PTPRN2: variants seen among roughly 807,000 people sequenced by gnomAD.
PTPRN2 encodes the protein receptor-type tyrosine-protein phosphatase N2.
A neutral mutation model predicts 118.8 loss-of-function variants in PTPRN2; 74 were observed. The observed-to-expected ratio is 0.62, with a 90% CI of 0.52 to 0.76. The LOEUF (loss-of-function observed/expected upper bound fraction) is 0.76. Among genes scored for constraint, PTPRN2 ranks in the 30% least tolerant of loss-of-function variants. PTPRN2 has a pLI of 0.00. For missense variants in PTPRN2, 1,481 were observed against 1,394.4 expected, an observed-to-expected ratio of 1.06 and a Z score of -0.99; for synonymous variants, 641 against 608.0, an observed-to-expected ratio of 1.05 and a Z score of -0.80.
rs1823017043 is a variant in PTPRN2, at chr7:158,509,419, T to C, written c.113-19634A>G. Reference sequence around the variant, plus strand: ...CACATCTAAAGGCCTCTCCAAGCCATGCACCCACCCTGCAGGAAAGAGCTC... The same window carrying C: ...CACATCTAAAGGCCTCTCCAAGCCACGCACCCACCCTGCAGGAAAGAGCTC... On this transcript the variant is annotated intron_variant, in intron 1 of 22. Coordinates refer to ENST00000389418, the MANE Select transcript of PTPRN2 (RefSeq NM_002847.5). The surrounding 1 kb of genome is among the most constrained non-coding windows in gnomAD (Gnocchi z 4.4). 6.6e-6 allele frequency among the ~76,000 whole-genome samples: 1 copy of C among 152,180 alleles called. No homozygotes were observed. Among genetic ancestry groups the C allele is most frequent in the South Asian group, 2.1e-4 (1 of 4,826 alleles).
intron 12 of PTPRN2, among the ~76,000 whole-genome samples, chr7:157,748,758 A>C (rs1801224969): frequency 8.8e-6 from 1 of 114,228 alleles, no homozygotes; most frequent in Non-Finnish European, 1.8e-5. Flanking sequence ...GGTGATTCTG[A>C]GGCCTGCGTC....
chr7:157,676,075 G>A lies in PTPRN2; in HGVS notation c.2001+6650C>T, dbSNP rs182662730. Among the ~76,000 whole-genome samples the A allele has an allele frequency of 1.3e-5, 2 of 152,094 alleles. No homozygotes were observed. Among genetic ancestry groups the A allele is most frequent in the African/African-American group, 4.8e-5 (2 of 41,476 alleles). On this transcript the variant is annotated intron_variant, in intron 13 of 22. Transcript: ENST00000389418. This position sits in a 1 kb window ranked among gnomAD's most constrained non-coding sequence, Gnocchi z 5.6. Reference sequence around the variant, plus strand: ...TCCCTTGGAGCGCCACAGACTGCAGGGTTTGTCCTTGTCACGAACTCAAAG... The same window carrying A: ...TCCCTTGGAGCGCCACAGACTGCAGAGTTTGTCCTTGTCACGAACTCAAAG...
At chr7:157,602,866 G>C (rs995528452) in intron 16 of PTPRN2, among the ~76,000 whole-genome samples, 6 of 152,354 alleles carry the variant, frequency 3.9e-5, no homozygotes, top group Non-Finnish European at 7.4e-5. Flanking sequence ...GGACACCGTA[G>C]GGTGCGATTT....
At chr7:157,892,469 A>G (rs1796865124) in intron 12 of PTPRN2, among the ~76,000 whole-genome samples, 1 of 152,184 alleles carries the variant, frequency 6.6e-6, no homozygotes, top group South Asian at 2.1e-4. Context: ...TAATCTGTTC[A>G]TTTCCTTTAA....
At chr7:158,441,553 G>C (rs1320259537) in intron 2 of PTPRN2, among the ~76,000 whole-genome samples, 2 of 150,376 alleles carry the variant, frequency 1.3e-5, no homozygotes, top group Non-Finnish European at 3.0e-5. Context: ...GGTGATGGCA[G>C]TGATAGTGAT....
chr7:157,792,252 C>G (rs1468090200), intron 12 of PTPRN2, among the ~76,000 whole-genome samples: 2 of 152,250 alleles, frequency 1.3e-5, no homozygotes, highest in Non-Finnish European at 2.9e-5. Context: ...GCCAGCAAGC[C>G]GCGGGAGAGG....
chr7:158,560,152 C>T (rs561884723), intron 1 of PTPRN2, among the ~76,000 whole-genome samples: 14 of 152,360 alleles, frequency 9.2e-5, no homozygotes, highest in African/African-American at 2.6e-4. Flanking sequence ...TGGTGTAGCA[C>T]GCTGAAGACT....
intron 17 of PTPRN2, among the ~76,000 whole-genome samples, chr7:157,580,504 G>A (rs1316093721): frequency 6.2e-4 from 46 of 74,042 alleles, no homozygotes; most frequent in East Asian, 4.9e-4. Flanking sequence ...CCTGCACACC[G>A]TGGCACCTGC....
intron 2 of PTPRN2, among the ~76,000 whole-genome samples, chr7:158,444,216 A>T (rs1300856554): frequency 6.6e-6 from 1 of 152,218 alleles, no homozygotes; most frequent in African/African-American, 2.4e-5. Context: ...GAATGTTCAC[A>T]GGCCTGTCCA....
At chr7:157,760,917 C>T (rs1282398914) in intron 12 of PTPRN2, among the ~76,000 whole-genome samples, 1 of 152,136 alleles carries the variant, frequency 6.6e-6, no homozygotes, top group Non-Finnish European at 1.5e-5. Flanking sequence ...CCTTCTCCTG[C>T]CTAATTGCCC....
At chr7:158,122,383 A>G (rs74562440) in intron 9 of PTPRN2, among the ~76,000 whole-genome samples, 3,789 of 152,248 alleles carry the variant, frequency 0.025, 156 homozygotes, top group African/African-American at 0.078. Context: ...GGCTCAGAGT[A>G]AGAAGTGACA....
intron 17 of PTPRN2, among the ~76,000 whole-genome samples, chr7:157,588,135 C>T (rs2150549697): frequency 6.6e-6 from 1 of 152,350 alleles, no homozygotes; most frequent in Admixed American, 6.5e-5. Flanking sequence ...ACTATGCTGC[C>T]TACATTTCTG....
At chr7:158,305,471 T>G (rs1461752128) in intron 3 of PTPRN2, among the ~76,000 whole-genome samples, 1 of 152,164 alleles carries the variant, frequency 6.6e-6, no homozygotes, top group Non-Finnish European at 1.5e-5. Flanking sequence ...GCATTGTTTT[T>G]GGGTATTCCC....
At chr7:158,261,825 T>C (rs1163887986) in intron 3 of PTPRN2, among the ~76,000 whole-genome samples, 1 of 152,204 alleles carries the variant, frequency 6.6e-6, no homozygotes, top group East Asian at 1.9e-4. Context: ...TTAGGAAACC[T>C]GTGTCTGTTG....
chr7:158,471,416 G>A (rs1056194010), intron 2 of PTPRN2, among the ~76,000 whole-genome samples: 22 of 152,202 alleles, frequency 1.4e-4, no homozygotes, highest in African/African-American at 5.1e-4. Flanking sequence ...ATGGCTGGGC[G>A]CAGTGGCTCA....
intron 16 of PTPRN2, among the ~76,000 whole-genome samples, chr7:157,602,999 C>A (rs1040158724): frequency 6.6e-6 from 1 of 152,204 alleles, no homozygotes. Flanking sequence ...CCCTGAAGAC[C>A]AGAATTGAGA....
intron 13 of PTPRN2, among the ~76,000 whole-genome samples, chr7:157,663,385 G>A (rs1795990697): frequency 6.6e-6 from 1 of 152,178 alleles, no homozygotes; most frequent in African/African-American, 2.4e-5. Context: ...TGTCTCCCTT[G>A]GCGATAAACA....
intron 9 of PTPRN2, among the ~76,000 whole-genome samples, chr7:158,123,370 AGACACCACGGTGACC>A (rs757486195): frequency 7.2e-5 from 11 of 152,232 alleles, no homozygotes; most frequent in Non-Finnish European, 1.5e-4. Flanking sequence ...AGTATCCTAC[AGACACCACGGTGACC>A]GACGCCATGG....
intron 2 of PTPRN2, among the ~76,000 whole-genome samples, chr7:158,404,419 C>A (rs1813191259): frequency 6.6e-6 from 1 of 152,148 alleles, no homozygotes; most frequent in South Asian, 2.1e-4. Context: ...GGGCTGTGGA[C>A]CCCTTAACCT....
Sources: gnomAD v4.1 joint callset for allele counts (sites outside exome capture counted in the v4.1 genomes callset) on GRCh38, gnomAD v4.1.1 for gene constraint, Gnocchi (gnomAD v3.1) non-coding constraint, MANE v1.5 for transcripts, NCBI Gene and HGNC (gene_info 2026-07-23, HGNC 2026-07-21) for gene names.